Variants in CHRM3 observed in about 807,000 individuals in gnomAD.
CHRM3 encodes the protein cholinergic receptor muscarinic 3, also known as muscarinic acetylcholine receptor M3.
CHRM3 carries 11 observed loss-of-function variants against 41.8 expected under a neutral mutation model. The observed-to-expected ratio is 0.26, with a 90% CI of 0.17 to 0.44. The LOEUF (loss-of-function observed/expected upper bound fraction) is 0.44, where lower values mean the gene tolerates loss of function less well. Ranked by LOEUF, CHRM3 falls within the 20% of genes least tolerant of loss-of-function variation. The pLI, the probability that CHRM3 is intolerant of heterozygous loss-of-function variation, is 1.00. For missense variants in CHRM3, 571 were observed against 745.4 expected (o/e 0.77, Z 2.72); for synonymous variants, 297 against 301.4 (o/e 0.99, Z 0.15).
intron 3 of CHRM3, among the ~76,000 whole-genome samples, chr1:239,610,706 A>C (rs953560220): frequency 6.6e-6 from 1 of 152,166 alleles, no homozygotes; most frequent in Non-Finnish European, 1.5e-5. Context: ...AAGCCTCCTT[A>C]ACTTTAGCCT....
chr1:239,838,953 A>G (rs1282854183), intron 6 of CHRM3, among the ~76,000 whole-genome samples: 1 of 152,266 alleles, frequency 6.6e-6, no homozygotes, highest in African/African-American at 2.4e-5. Flanking sequence ...TAAACAAAGC[A>G]TCATATCATC....
chr1:239,409,677 A>G (rs1660913528), intron 1 of CHRM3, among the ~76,000 whole-genome samples: 1 of 152,188 alleles, frequency 6.6e-6, no homozygotes, highest in African/African-American at 2.4e-5. Context: ...ACTGATCTCT[A>G]AAAGATAGCG....
At chr1:239,737,387 A>G (rs1346728680) in intron 5 of CHRM3, among the ~76,000 whole-genome samples, 1 of 152,184 alleles carries the variant, frequency 6.6e-6, no homozygotes, top group Non-Finnish European at 1.5e-5. Flanking sequence ...CCTCAGTCAT[A>G]GAAAGTGCGA....
chr1:239,667,786 A>G (rs569708566), intron 4 of CHRM3, among the ~76,000 whole-genome samples: 1 of 152,116 alleles, frequency 6.6e-6, no homozygotes, highest in Non-Finnish European at 1.5e-5. Context: ...AACTCTACCC[A>G]GCTCTTCAGA....
chr1:239,557,844 A>G (rs1204527501), intron 3 of CHRM3, among the ~76,000 whole-genome samples: 1 of 152,160 alleles, frequency 6.6e-6, no homozygotes, highest in African/African-American at 2.4e-5. Context: ...ATAGTATTCC[A>G]TGGTGCATAT....
chr1:239,564,196 G>A (rs183154939), intron 3 of CHRM3, among the ~76,000 whole-genome samples: 172 of 152,252 alleles, frequency 1.1e-3, no homozygotes, highest in Non-Finnish European at 1.8e-3. Context: ...TTTACAGAGT[G>A]ATGAAAATTT....
Position 239,464,279 on chromosome 1 carries a change from C to CAA in CHRM3, c.-520-28412_-520-28411dup, listed in dbSNP as rs748118542. On this transcript the variant is annotated intron_variant, in intron 1 of 6. Coordinates refer to ENST00000676153, the MANE Select transcript of CHRM3 (RefSeq NM_001375978.1). ...TGTGTGACAGAGTGAGACCCTGTCT[C>CAA]AAAAAAAAAAAAAAAAAAAGTTCAG... 2.3e-3 allele frequency among the ~76,000 whole-genome samples: 164 copies of CAA among 72,778 alleles called. 1 individual carries two copies. The highest frequency in any genetic ancestry group is 3.1e-3 in the Non-Finnish European group (105 of 33,780). 47.7% of individuals were successfully genotyped at this position (72,778 alleles called of 152,430 possible).
At chr1:239,733,437 G>A (rs867070457) in intron 5 of CHRM3, among the ~76,000 whole-genome samples, 1 of 151,974 alleles carries the variant, frequency 6.6e-6, no homozygotes, top group Non-Finnish European at 1.5e-5. Context: ...TTAATAAGGG[G>A]CAAGTGGTTA....
At chr1:239,846,911 A>G (rs1185194268) in intron 6 of CHRM3, among the ~76,000 whole-genome samples, 3 of 152,194 alleles carry the variant, frequency 2.0e-5, no homozygotes, top group Admixed American at 6.5e-5. Context: ...GATCTTATTT[A>G]TTGATTAGGA....
intron 2 of CHRM3, among the ~76,000 whole-genome samples, chr1:239,497,362 C>T (rs1183862036): frequency 6.6e-6 from 1 of 152,160 alleles, no homozygotes; most frequent in African/African-American, 2.4e-5. Flanking sequence ...CGGGGCAGCA[C>T]AGCACCAGAG....
At chr1:239,798,143 C>G (rs1316885037) in intron 5 of CHRM3, among the ~76,000 whole-genome samples, 1 of 152,200 alleles carries the variant, frequency 6.6e-6, no homozygotes, top group Non-Finnish European at 1.5e-5. Context: ...AGGCTTAAAA[C>G]TTGGGAGTCA....
At chr1:239,544,683 G>T (rs1659115516) in intron 2 of CHRM3, among the ~76,000 whole-genome samples, 1 of 152,126 alleles carries the variant, frequency 6.6e-6, no homozygotes, top group Non-Finnish European at 1.5e-5. Flanking sequence ...TCACGTATTT[G>T]TATGTGCCAG....
Position 239,879,182 on chromosome 1 carries a change from G to A in CHRM3, c.-19-28251G>A, listed in dbSNP as rs1284335795. 2.0e-5 allele frequency among the ~76,000 whole-genome samples: 3 copies of A among 152,236 alleles called. No individual in the cohort carries two copies. The South Asian group carries it at 6.2e-4, about 32-fold the overall frequency. On this transcript the variant is annotated intron_variant, in intron 6 of 6. Coordinates refer to ENST00000676153, the MANE Select transcript of CHRM3 (RefSeq NM_001375978.1). ...GTCTCACTGTGTTGCCCAGGCTGGA[G>A]TGCAATGGCCTGATCATAGTTCACT...
chr1:239,458,964 G>A (rs1665161338), intron 1 of CHRM3, among the ~76,000 whole-genome samples: 2 of 152,236 alleles, frequency 1.3e-5, no homozygotes, highest in South Asian at 4.1e-4. Flanking sequence ...TCATTATAAT[G>A]AAATGGCACA....
chr1:239,663,361 A>G (rs1673455277), intron 4 of CHRM3, among the ~76,000 whole-genome samples: 1 of 152,140 alleles, frequency 6.6e-6, no homozygotes, highest in Non-Finnish European at 1.5e-5. Flanking sequence ...GAGTTTCTGC[A>G]ATTCCCATTA....
At chr1:239,413,253 C>A (rs1274092180) in intron 1 of CHRM3, among the ~76,000 whole-genome samples, 1 of 152,036 alleles carries the variant, frequency 6.6e-6, no homozygotes, top group East Asian at 1.9e-4. Context: ...GGAAGTGAAT[C>A]ATAATCTGGA....
intron 6 of CHRM3, among the ~76,000 whole-genome samples, chr1:239,848,053 C>A (rs12402851): frequency 0.47 from 70,674 of 148,840 alleles, 17,693 homozygotes; most frequent in East Asian, 0.56. Flanking sequence ...TTAACACAGT[C>A]TTCATCTCCA....
Position 239,844,625 on chromosome 1 carries a change from T to C in CHRM3, c.-20+17247T>C, listed in dbSNP as rs182518132. Among the ~76,000 whole-genome samples the C allele has an allele frequency of 3.2e-4, 49 of 152,332 alleles. No individual in the cohort carries two copies. The East Asian group carries it at 7.5e-3, about 23-fold the overall frequency. The stretch of plus-strand genomic sequence containing the variant: ...TGGTAAAATGGGTGGCCGTTGCTAA[T>C]CTTTACCTAGGGTTTATGATAGAAC... On this transcript the variant is annotated intron_variant, in intron 6 of 6. Coordinates refer to ENST00000676153, the MANE Select transcript of CHRM3 (RefSeq NM_001375978.1).
At chr1:239,448,030 A>C (rs1393160618) in intron 1 of CHRM3, among the ~76,000 whole-genome samples, 10 of 152,186 alleles carry the variant, frequency 6.6e-5, no homozygotes, top group African/African-American at 2.4e-4. Flanking sequence ...CATGGATTCC[A>C]GTCTGGGTTC....
Sources: gnomAD v4.1 joint callset for allele counts (sites outside exome capture counted in the v4.1 genomes callset) on GRCh38, gnomAD v4.1.1 for gene constraint, MANE v1.5 for transcripts, NCBI Gene and HGNC (gene_info 2026-07-23, HGNC 2026-07-21) for gene names.